Variants in ZMYM2 observed in about 807,000 individuals in gnomAD.
ZMYM2 encodes zinc finger MYM-type containing 2, also known as zinc finger MYM-type protein 2.
A neutral mutation model predicts 162.8 loss-of-function variants in ZMYM2; 56 were observed. The observed-to-expected ratio is 0.34, with a 90% CI of 0.28 to 0.43. The LOEUF (loss-of-function observed/expected upper bound fraction) is 0.43, where lower values mean the gene tolerates loss of function less well. Among genes scored for constraint, ZMYM2 ranks in the 20% least tolerant of loss-of-function variants. The pLI, the probability that ZMYM2 is intolerant of heterozygous loss-of-function variation, is 1.00. For synonymous variants in ZMYM2, 510 were observed against 541.6 expected (o/e 0.94, Z 0.81); for missense variants, 1,275 against 1,621.8 (o/e 0.79, Z 3.67).
At chr13:19,960,605 C>T (rs942665643) in intron 2 of ZMYM2, among the ~76,000 whole-genome samples, 2 of 152,134 alleles carry the variant, frequency 1.3e-5, no homozygotes, top group African/African-American at 2.4e-5. Flanking sequence ...GCTGATCAGT[C>T]CAGTGTACTG....
In ZMYM2 at chr13:20,051,466, A is replaced by G. The variant is rs1230009875; in HGVS notation, c.2326A>G (p.Thr776Ala). Residue 776 changes from threonine (T) to alanine (A), a missense_variant, in exon 13 of 25, where the codon ACT (threonine) becomes GCT (alanine). Around this residue, in one of 10 missense-constraint regions of ZMYM2, gnomAD observed 177 missense variants for 228.0 expected, o/e 0.78. Transcript: ENST00000610343. ...GTGTGACTGTTGTAAATCTCAAGGA[A>G]CTCTTAAAGAGCGAGTTCAGTGGCG... is the stretch of plus-strand genomic sequence containing the variant. ...ARCDCCKSQG[T>A]LKERVQWRGE... The G allele has an allele frequency of 6.2e-7, 1 of 1,612,944 alleles. No homozygotes were observed. Among genetic ancestry groups the G allele is most frequent in the African/African-American group, 1.3e-5 (1 of 74,936 alleles).
the ZMYM2 span, among the ~76,000 whole-genome samples, chr13:19,916,066 T>A: frequency 6.6e-6 from 1 of 151,994 alleles, no homozygotes; most frequent in Non-Finnish European, 1.5e-5. Flanking sequence ...TTTCACCGTG[T>A]TAGCCAGGTT....
the ZMYM2 span, among the ~76,000 whole-genome samples, chr13:19,869,281 T>C: frequency 2.6e-5 from 4 of 152,206 alleles, no homozygotes; most frequent in Non-Finnish European, 5.9e-5. Context: ...GTTTTACTTG[T>C]TTCATTTTAC....
chr13:20,033,956 A>G (rs1953437289), intron 10 of ZMYM2, among the ~76,000 whole-genome samples: 1 of 152,200 alleles, frequency 6.6e-6, no homozygotes, highest in Admixed American at 6.5e-5. Flanking sequence ...TGTATTTTCC[A>G]TCATTTTCTT....
chr13:19,925,051 A>C, the ZMYM2 span, among the ~76,000 whole-genome samples: 1 of 151,824 alleles, frequency 6.6e-6, no homozygotes, highest in South Asian at 2.1e-4. Flanking sequence ...CACCAGGCTA[A>C]TTTTGTATTT....
intron 10 of ZMYM2, among the ~76,000 whole-genome samples, chr13:20,031,865 G>GTTTTT (rs10642086): frequency 1.8e-4 from 24 of 130,254 alleles, no homozygotes; most frequent in African/African-American, 2.6e-4. Flanking sequence ...TTCTGTAATT[G>GTTTTT]TTTTTTTTTT....
chr13:20,058,807 T>C (rs1186030353), intron 15 of ZMYM2, 103 bp downstream of exon 15: 3 of 1,462,056 alleles, frequency 2.1e-6, no homozygotes, highest in Non-Finnish European at 2.8e-6. Context: ...ATTCATTTGG[T>C]CAATTTGTCA....
chr13:20,004,167 C>T (rs1483327819), intron 4 of ZMYM2, among the ~76,000 whole-genome samples: 1 of 152,100 alleles, frequency 6.6e-6, no homozygotes, highest in African/African-American at 2.4e-5. Context: ...GATTGCTTTG[C>T]AGTAGTAAAC....
chr13:19,973,428 T>C (rs769035238), intron 2 of ZMYM2, among the ~76,000 whole-genome samples: 1 of 151,580 alleles, frequency 6.6e-6, no homozygotes, highest in Non-Finnish European at 1.5e-5. Context: ...CCCAGCACTT[T>C]GGGAGGCCAA....
chr13:20,008,421 A>G (rs926305952), intron 6 of ZMYM2, among the ~76,000 whole-genome samples: 1 of 152,234 alleles, frequency 6.6e-6, no homozygotes, highest in Non-Finnish European at 1.5e-5. Context: ...GTGAGCCATC[A>G]TTCCCGCCCA....
the ZMYM2 span, among the ~76,000 whole-genome samples, chr13:19,899,729 A>C: frequency 1.3e-5 from 2 of 149,734 alleles, no homozygotes; most frequent in African/African-American, 4.9e-5. Flanking sequence ...AGGCAGGAGA[A>C]TCACTTGAAC....
At chr13:19,988,205 CTG>C (rs1422363212) in intron 2 of ZMYM2, among the ~76,000 whole-genome samples, 1 of 152,116 alleles carries the variant, frequency 6.6e-6, no homozygotes, top group Non-Finnish European at 1.5e-5. Context: ...CTGTAAAATA[CTG>C]TATGTTTTTG....
At chr13:19,977,946 G>A (rs978219411) in intron 2 of ZMYM2, among the ~76,000 whole-genome samples, 8 of 147,234 alleles carry the variant, frequency 5.4e-5, no homozygotes, top group East Asian at 2.0e-4. Flanking sequence ...GCACAATCTC[G>A]GCTCACTGCA....
At chr13:20,027,396 T>C (rs1952682426) in intron 9 of ZMYM2, 78 bp downstream of exon 9, 3 of 1,099,662 alleles carry the variant, frequency 2.7e-6, no homozygotes, top group Admixed American at 3.2e-5. Context: ...TAATATGCTT[T>C]ATTTTATCTT....
At chr13:19,944,240 G>A in the ZMYM2 span, among the ~76,000 whole-genome samples, 4 of 151,960 alleles carry the variant, frequency 2.6e-5, no homozygotes, top group Admixed American at 6.6e-5. Context: ...ATTCTAAAAA[G>A]GTATTTTTGG....
At chr13:19,917,813 C>G in the ZMYM2 span, among the ~76,000 whole-genome samples, 1 of 152,130 alleles carries the variant, frequency 6.6e-6, no homozygotes, top group East Asian at 1.9e-4. Flanking sequence ...TGCCCTAGCA[C>G]TTTTAGAGGC....
intron 7 of ZMYM2, chr13:20,024,695 A>G (rs554906262): frequency 4.5e-6 from 1 of 223,038 alleles, no homozygotes; most frequent in East Asian, 6.7e-5. Context: ...ACCTCAGGAA[A>G]CAAACAAAAA....
At chr13:19,924,946 G>A in the ZMYM2 span, among the ~76,000 whole-genome samples, 27 of 149,990 alleles carry the variant, frequency 1.8e-4, no homozygotes, top group African/African-American at 2.7e-4. Context: ...TGCAATGGCC[G>A]TGATCTTGGC....
At chr13:19,980,045 T>C (rs1217817861) in intron 2 of ZMYM2, among the ~76,000 whole-genome samples, 1 of 152,174 alleles carries the variant, frequency 6.6e-6, no homozygotes, top group Non-Finnish European at 1.5e-5. Flanking sequence ...AAGGATCTTG[T>C]AACTTTAAAA....
Sources: gnomAD v4.1 joint callset for allele counts (sites outside exome capture counted in the v4.1 genomes callset) on GRCh38, gnomAD v4.1.1 for gene constraint, gnomAD v4.1.1 regional missense constraint, MANE v1.5 for transcripts, NCBI Gene and HGNC (gene_info 2026-07-23, HGNC 2026-07-21) for gene names.